The following SASH1 variants were observed in gnomAD, a reference collection of about 807,000 sequenced individuals.
SASH1 encodes SAM and SH3 domain-containing protein 1.
Under a neutral mutation model 125.2 loss-of-function variants are expected in SASH1, and 44 were observed. The ratio of observed to expected loss-of-function variants is 0.35; its 90% confidence interval spans 0.28 to 0.45. The LOEUF is 0.45. SASH1 is among the 20% of genes least tolerant of loss of function. SASH1 has a pLI of 1.00. For synonymous variants in SASH1, 639 were observed against 649.1 expected (o/e 0.98, Z 0.24); for missense variants, 1,426 against 1,614.5 (o/e 0.88, Z 2.00).
chr6:148,364,367 A>G (rs748907450), intron 1 of SASH1, among the ~76,000 whole-genome samples: 1 of 152,196 alleles, frequency 6.6e-6, no homozygotes, highest in African/African-American at 2.4e-5. Flanking sequence ...CTTTGGGGAC[A>G]CACACACTCA....
At chr6:148,439,587 G>A (rs1660792269) in intron 2 of SASH1, among the ~76,000 whole-genome samples, 2 of 152,036 alleles carry the variant, frequency 1.3e-5, no homozygotes, top group Admixed American at 1.3e-4. Context: ...GACCACCCTG[G>A]CCAACATAGT....
intron 2 of SASH1, among the ~76,000 whole-genome samples, chr6:148,391,311 G>A (rs1036173625): frequency 6.6e-6 from 1 of 151,480 alleles, no homozygotes; most frequent in East Asian, 1.9e-4. Context: ...GTTTCTCCAT[G>A]TTGGTCAGGC....
rs552111759 is a variant in SASH1 at position 148,336,367 on chromosome 6, G to A, written n.75-53767G>A. ...ATTTTTTTGTATTTTTAGTAGAAAC[G>A]GGGTTTTACCATGTTGGCCAGGCTG... On this transcript the variant is annotated intron_variant and non_coding_transcript_variant, in intron 1 of 3. Transcript: ENST00000367469. 1.5e-3 allele frequency among the ~76,000 whole-genome samples: 223 copies of A among 151,606 alleles called. 2 individuals are homozygous for A. Among genetic ancestry groups the A allele is most frequent in the Non-Finnish European group, 2.8e-3 (190 of 67,882 alleles).
chr6:148,317,445 A>G (rs1487141645), intron 1 of SASH1, among the ~76,000 whole-genome samples: 1 of 152,222 alleles, frequency 6.6e-6, no homozygotes, highest in African/African-American at 2.4e-5. Flanking sequence ...TGTTTTTGAG[A>G]TGGAGTTTCA....
chr6:148,439,515 A>G (rs1776453624), intron 2 of SASH1, among the ~76,000 whole-genome samples: 2 of 152,212 alleles, frequency 1.3e-5, no homozygotes, highest in African/African-American at 4.8e-5. Flanking sequence ...GCGGTGGCTC[A>G]TGCCTGTAAT....
upstream of SASH1, among the ~76,000 whole-genome samples, chr6:148,338,255 C>T (rs11757226): frequency 0.21 from 31,964 of 151,772 alleles, 3,773 homozygotes; most frequent in Middle Eastern, 0.31. Flanking sequence ...GGTGAAATCC[C>T]GTCTCTACTA....
At chr6:148,204,830 A>G in the SASH1 span, among the ~76,000 whole-genome samples, 2 of 152,106 alleles carry the variant, frequency 1.3e-5, no homozygotes, top group Non-Finnish European at 2.9e-5. Flanking sequence ...AAGTATATAA[A>G]ATTGCTTTAA....
chr6:148,440,068 C>A (rs1323178221), intron 2 of SASH1, 116 bp from the exon 3 acceptor site: 3 of 870,210 alleles, frequency 3.4e-6, no homozygotes, highest in South Asian at 2.9e-5. Context: ...CCATCTCCTC[C>A]CACTCTATAC....
chr6:148,371,644 G>C (rs1782710153), intron 1 of SASH1, among the ~76,000 whole-genome samples: 1 of 151,928 alleles, frequency 6.6e-6, no homozygotes, highest in Admixed American at 6.6e-5. Flanking sequence ...TAGGGAGGTG[G>C]GTACAGATCT....
intron 1 of SASH1, among the ~76,000 whole-genome samples, chr6:148,358,727 G>GGTTTTTTTTTTTTTTTTTTT (rs1239319632): frequency 1.0e-5 from 1 of 98,788 alleles, no homozygotes; most frequent in Non-Finnish European, 2.2e-5. Flanking sequence ...CTAATGCCAT[G>GGTTTTTTTTTTTTTTTTTTT]TTTTTGTTTT....
intron 17 of SASH1, among the ~76,000 whole-genome samples, chr6:148,541,902 C>T (rs920656409): frequency 4.6e-5 from 7 of 152,174 alleles, no homozygotes; most frequent in Non-Finnish European, 7.3e-5. Flanking sequence ...TTCAGATAGC[C>T]TCGGTCAAGA....
At position 148,286,187 on chromosome 6, in the gene SASH1, G is replaced by A. The variant is rs1779477308; in HGVS notation, n.74+13810G>A. On this transcript the variant is annotated intron_variant and non_coding_transcript_variant, in intron 1 of 3. Coordinates refer to the SASH1 transcript ENST00000367469. ...TATTAGATCATGCCACTGCACTCCA[G>A]CCTGGGCAACATAAAAGACTTTGTC... is the stretch of plus-strand genomic sequence containing the variant. Among the ~76,000 whole-genome samples the A allele has an allele frequency of 2.0e-5, 3 of 151,674 alleles. No homozygotes were observed. In the South Asian group the frequency reaches 6.3e-4, roughly 32 times the overall value.
At position 148,531,537 on chromosome 6, in the gene SASH1, TG is replaced by T; in HGVS notation, c.1441del (p.Asp481MetfsTer28). On this transcript the variant is annotated frameshift_variant, in exon 13 of 20. Coordinates refer to ENST00000367467, the MANE Select transcript of SASH1 (RefSeq NM_015278.5). LOFTEE classifies it high-confidence loss of function. ...SSVSEQDSGL[D>X]GMPGSPPPSQ... is the part of the protein sequence containing the mutation. ...GAAACCCATGGCAGGACTCGGGCCT[TG>T]ATGGAATGCCTGGCTCCCCTCCGCC... The T allele has an allele frequency of 6.5e-7, 1 of 1,544,992 alleles. No individual in the cohort carries two copies. The highest frequency in any genetic ancestry group is 8.7e-7 in the Non-Finnish European group (1 of 1,143,858).
At chr6:148,425,712 A>G (rs58100681) in intron 2 of SASH1, among the ~76,000 whole-genome samples, 6 of 12,178 alleles carry the variant, frequency 4.9e-4, no homozygotes, top group African/African-American at 1.2e-3. Flanking sequence ...CTCCCCTCCC[A>G]TCCCCCTCTC....
At chr6:148,344,890 G>A (rs990552422) in intron 1 of SASH1, among the ~76,000 whole-genome samples, 1 of 151,808 alleles carries the variant, frequency 6.6e-6, no homozygotes, top group Non-Finnish European at 1.5e-5. Flanking sequence ...TGAGTAGCTG[G>A]GATTACAGGC....
chr6:148,458,500 A>G (rs1777461101), intron 4 of SASH1, among the ~76,000 whole-genome samples: 1 of 152,200 alleles, frequency 6.6e-6, no homozygotes, highest in Non-Finnish European at 1.5e-5. Flanking sequence ...ATGTTACAGT[A>G]AGATCTTCTT....
At chr6:148,419,663 T>G (rs367846733) in intron 2 of SASH1, among the ~76,000 whole-genome samples, 2 of 152,196 alleles carry the variant, frequency 1.3e-5, no homozygotes, top group South Asian at 4.1e-4. Flanking sequence ...ATCCGTTTTC[T>G]GCCCTTGGAG....
intron 2 of SASH1, among the ~76,000 whole-genome samples, chr6:148,418,690 G>A (rs1466716313): frequency 1.3e-5 from 2 of 152,186 alleles, no homozygotes; most frequent in African/African-American, 4.8e-5. Flanking sequence ...TTAATGGTGA[G>A]CAACCGATAG....
chr6:148,296,277 C>T (rs1399706313), intron 1 of SASH1, among the ~76,000 whole-genome samples: 1 of 152,088 alleles, frequency 6.6e-6, no homozygotes, highest in Non-Finnish European at 1.5e-5. Context: ...AGGAGCATGC[C>T]ACCATGCCCA....
Sources: allele counts gnomAD v4.1 joint callset (sites outside exome capture counted in the v4.1 genomes callset), GRCh38; gene constraint gnomAD v4.1.1; transcripts MANE v1.5; gene names NCBI Gene and HGNC (gene_info 2026-07-23, HGNC 2026-07-21).